MACROD2: variants seen among roughly 807,000 people sequenced by gnomAD.
MACROD2 encodes the protein mono-ADP ribosylhydrolase 2.
MACROD2 carries 36 observed loss-of-function variants against 70.4 expected under a neutral mutation model. The ratio of observed to expected loss-of-function variants is 0.51; its 90% CI spans 0.39 to 0.68. The LOEUF is 0.68. Among genes scored for constraint, MACROD2 ranks in the 30% least tolerant of loss-of-function variants. The pLI is 0.00. For missense variants in MACROD2, 496 were observed against 538.4 expected (o/e 0.92, Z 0.78); for synonymous variants, 172 against 178.8 (o/e 0.96, Z 0.30).
At chr20:15,063,899 T>G (rs908252463) in intron 5 of MACROD2, among the ~76,000 whole-genome samples, 2 of 152,200 alleles carry the variant, frequency 1.3e-5, no homozygotes, top group African/African-American at 4.8e-5. Context: ...AGCTGCTCCA[T>G]AATCCATAAT....
intron 5 of MACROD2, among the ~76,000 whole-genome samples, chr20:14,910,569 C>T (rs1356336620): frequency 6.6e-6 from 1 of 152,150 alleles, no homozygotes; most frequent in African/African-American, 2.4e-5. Context: ...GAATGTAAAG[C>T]CTCTTTTAAA....
intron 4 of MACROD2, among the ~76,000 whole-genome samples, chr20:14,533,043 G>T (rs2085325080): frequency 6.6e-6 from 1 of 152,096 alleles, no homozygotes; most frequent in African/African-American, 2.4e-5. Flanking sequence ...CTCTTGCTGG[G>T]TGCCATGTAA....
At chr20:14,345,271 GTTATTA>G (rs146701416) in intron 3 of MACROD2, among the ~76,000 whole-genome samples, 3,690 of 152,092 alleles carry the variant, frequency 0.024, 72 homozygotes, top group Non-Finnish European at 0.037. Context: ...TATTGTCATT[GTTATTA>G]TTATTTGTTC....
chr20:15,996,919 T>A (rs1351398519), intron 15 of MACROD2, among the ~76,000 whole-genome samples: 1 of 152,222 alleles, frequency 6.6e-6, no homozygotes. Context: ...CTTTTCTATG[T>A]GGGTATCCAG....
intron 5 of MACROD2, among the ~76,000 whole-genome samples, chr20:15,092,369 A>C (rs1157268737): frequency 1.3e-5 from 2 of 149,176 alleles, no homozygotes; most frequent in Non-Finnish European, 1.5e-5. Flanking sequence ...AACTATAATA[A>C]ATTTTTATAA....
intron 8 of MACROD2, among the ~76,000 whole-genome samples, chr20:15,545,038 C>T (rs1261643743): frequency 1.3e-5 from 2 of 152,208 alleles, no homozygotes; most frequent in Non-Finnish European, 2.9e-5. Flanking sequence ...CTAATTTATA[C>T]TCTGCTTTCA....
In MACROD2 at chr20:14,774,104, A is replaced by G. The variant is rs770487747; in HGVS notation, c.418+89145A>G. Among the ~76,000 whole-genome samples, 94 of 151,962 alleles carry G rather than the reference A, an allele frequency of 6.2e-4. 1 individual carries two copies. The highest frequency in any genetic ancestry group is 1.5e-3 in the South Asian group (7 of 4,826). ...ACAGTTCTGTTTGTTATCATTTGAT[A>G]TTATCATAGAGGAATAGCCTTTAAA... On this transcript the variant is annotated intron_variant, in intron 5 of 17. Transcript: ENST00000684519.
At chr20:14,855,183 G>T (rs969130441) in intron 5 of MACROD2, among the ~76,000 whole-genome samples, 1 of 152,090 alleles carries the variant, frequency 6.6e-6, no homozygotes, top group Non-Finnish European at 1.5e-5. Context: ...TAGAATTGTG[G>T]TTAAACTTGG....
chr20:14,190,658 G>T (rs1196982780), intron 3 of MACROD2, among the ~76,000 whole-genome samples: 2 of 95,344 alleles, frequency 2.1e-5, no homozygotes, highest in South Asian at 3.6e-4. Context: ...CTGAGGAAAA[G>T]AAAAGTATTC....
chr20:15,660,385 T>C (rs1363772690), intron 8 of MACROD2, among the ~76,000 whole-genome samples: 3 of 150,836 alleles, frequency 2.0e-5, no homozygotes, highest in African/African-American at 2.4e-5. Flanking sequence ...AGTTTGGTGA[T>C]GGTATCCATG....
At chr20:15,978,596 CTCT>C (rs1336910190) in intron 13 of MACROD2, among the ~76,000 whole-genome samples, 1 of 148,512 alleles carries the variant, frequency 6.7e-6, no homozygotes, top group Admixed American at 6.6e-5. Context: ...CTCTCTCTCT[CTCT>C]CTCTCTCTCT....
intron 8 of MACROD2, among the ~76,000 whole-genome samples, chr20:15,537,126 G>T (rs1400234783): frequency 6.6e-6 from 1 of 152,082 alleles, no homozygotes; most frequent in African/African-American, 2.4e-5. Flanking sequence ...CCTGGGGGTG[G>T]TTTCCATCAT....
Position 14,087,909 on chromosome 20 carries a change from G to GAT in MACROD2, c.271+2189_271+2190dup, listed in dbSNP as rs1352216089. On this transcript the variant is annotated intron_variant, in intron 3 of 17. Transcript: ENST00000684519. Reference sequence around the variant, plus strand: ...TGTGTGTGTATATATACATAAGAGAGATATATATACACATATAATCTTTTA... The same window carrying GAT: ...TGTGTGTGTATATATACATAAGAGAGATATATATATACACATATAATCTTTTA... Among the ~76,000 whole-genome samples, 5 of 151,566 alleles carry GAT rather than the reference G, an allele frequency of 3.3e-5. No homozygotes were observed. In the East Asian group the frequency reaches 5.8e-4, roughly 18 times the overall value.
At chr20:15,118,117 C>T (rs73096100) in intron 5 of MACROD2, among the ~76,000 whole-genome samples, 32,991 of 151,750 alleles carry the variant, frequency 0.22, 4,825 homozygotes, top group Non-Finnish European at 0.32. Flanking sequence ...TCTAGAATTA[C>T]CATCCAAAAA....
intron 5 of MACROD2, among the ~76,000 whole-genome samples, chr20:14,887,588 A>G (rs879335340): frequency 6.6e-6 from 1 of 151,802 alleles, no homozygotes; most frequent in East Asian, 1.9e-4. Context: ...GCGTTTCACC[A>G]TGTTGCCCAG....
At chr20:14,608,108 T>C (rs573490777) in intron 4 of MACROD2, among the ~76,000 whole-genome samples, 129 of 151,926 alleles carry the variant, frequency 8.5e-4, no homozygotes, top group African/African-American at 2.9e-3. Context: ...CAAAAAAAAT[T>C]AGCTGGGTAT....
intron 5 of MACROD2, among the ~76,000 whole-genome samples, chr20:15,115,475 C>G (rs1050836154): frequency 1.3e-5 from 2 of 152,108 alleles, no homozygotes; most frequent in African/African-American, 4.8e-5. Context: ...CCTCCCAACT[C>G]AGCCTCCCAA....
chr20:14,322,531 C>T (rs2082673816), intron 3 of MACROD2, among the ~76,000 whole-genome samples: 1 of 151,442 alleles, frequency 6.6e-6, no homozygotes, highest in Admixed American at 6.6e-5. Flanking sequence ...GAAGCAAAGT[C>T]AAACTTCCTT....
At chr20:15,079,038 T>C (rs1296144356) in intron 5 of MACROD2, among the ~76,000 whole-genome samples, 1 of 152,150 alleles carries the variant, frequency 6.6e-6, no homozygotes. Context: ...ATTTTTCCTG[T>C]ACACCATGCA....
Sources: allele counts gnomAD v4.1 joint callset (sites outside exome capture counted in the v4.1 genomes callset), GRCh38; gene constraint gnomAD v4.1.1; transcripts MANE v1.5; gene names NCBI Gene and HGNC (gene_info 2026-07-23, HGNC 2026-07-21).